Variants in ZSCAN5A observed in about 807,000 individuals in gnomAD.
ZSCAN5A encodes the protein zinc finger and SCAN domain-containing protein 5A.
Under a neutral mutation model 23.7 loss-of-function variants are expected in ZSCAN5A, and 12 were observed. That is an observed-to-expected ratio of 0.51 (90% CI 0.32 to 0.82). The LOEUF is 0.82. Among genes scored for constraint, ZSCAN5A ranks in the 40% least tolerant of loss-of-function variants. The pLI, the probability that ZSCAN5A is intolerant of heterozygous loss-of-function variation, is 0.03. For synonymous variants in ZSCAN5A, 257 were observed against 239.9 expected (o/e 1.07, Z -0.66); for missense variants, 597 against 617.9 (o/e 0.97, Z 0.36).
At chr19:56,322,027 G>A in intron 2 of ZSCAN5A, 1 of 776,692 alleles carries the variant, frequency 1.3e-6, no homozygotes, top group South Asian at 1.3e-5. Flanking sequence ...CTACAAGGCT[G>A]TTTTTAGTCC....
At chr19:56,359,629 A>G (rs2041721524) in intron 2 of ZSCAN5A, among the ~76,000 whole-genome samples, 1 of 152,226 alleles carries the variant, frequency 6.6e-6, no homozygotes, top group Non-Finnish European at 1.5e-5. Context: ...CAACAAAAAA[A>G]TAAAACTTCT....
intron 2 of ZSCAN5A, among the ~76,000 whole-genome samples, chr19:56,286,210 T>TG (rs1568697171): frequency 6.6e-6 from 1 of 151,098 alleles, no homozygotes; most frequent in Non-Finnish European, 1.5e-5. Context: ...TTAGTAGAGA[T>TG]GGGGTTTCAC....
intron 2 of ZSCAN5A, among the ~76,000 whole-genome samples, chr19:56,324,522 C>T (rs1042840261): frequency 3.3e-5 from 5 of 151,780 alleles, no homozygotes; most frequent in South Asian, 2.1e-4. Context: ...GGGGAACCCT[C>T]GTACAATGTT....
chr19:56,272,506 C>A (rs2037924362), intron 2 of ZSCAN5A, among the ~76,000 whole-genome samples: 1 of 152,110 alleles, frequency 6.6e-6, no homozygotes, highest in Non-Finnish European at 1.5e-5. Flanking sequence ...TCCCTCCAAC[C>A]ATTAAAAAAG....
chr19:56,324,131 C>T (rs1247415070), intron 2 of ZSCAN5A, among the ~76,000 whole-genome samples: 1 of 152,100 alleles, frequency 6.6e-6, no homozygotes, highest in Non-Finnish European at 1.5e-5. Context: ...CTCCTTTCCC[C>T]CTCTATTCAT....
chr19:56,284,467 G>A (rs2038950748), intron 2 of ZSCAN5A, among the ~76,000 whole-genome samples: 1 of 105,056 alleles, frequency 9.5e-6, no homozygotes, highest in South Asian at 3.4e-4. Context: ...GGGAAACAGA[G>A]ATAAGTAAAC....
At chr19:56,275,256 A>G (rs573602991) in intron 2 of ZSCAN5A, among the ~76,000 whole-genome samples, 1 of 152,310 alleles carries the variant, frequency 6.6e-6, no homozygotes, top group South Asian at 2.1e-4. Context: ...TAATTTTAGC[A>G]TCCATCTGTG....
intron 2 of ZSCAN5A, among the ~76,000 whole-genome samples, chr19:56,277,926 G>C (rs1315482892): frequency 6.6e-6 from 1 of 152,096 alleles, no homozygotes; most frequent in East Asian, 1.9e-4. Context: ...TGAAAAATAA[G>C]GATAATAAAT....
intron 2 of ZSCAN5A, among the ~76,000 whole-genome samples, chr19:56,330,968 G>C (rs778741048): frequency 6.7e-5 from 10 of 149,244 alleles, no homozygotes; most frequent in Admixed American, 2.0e-4. Flanking sequence ...AATTCTTCTT[G>C]AGTTAATTTT....
intron 2 of ZSCAN5A, chr19:56,283,276 G>A (rs1558357): frequency 0.78 from 118,892 of 152,062 alleles, 47,938 homozygotes; most frequent in Non-Finnish European, 0.89. Context: ...TTATTATTAC[G>A]TACTTCATAT....
chr19:56,245,858 T>C (rs1002643565), intron 2 of ZSCAN5A, among the ~76,000 whole-genome samples: 2 of 152,070 alleles, frequency 1.3e-5, no homozygotes, highest in Non-Finnish European at 2.9e-5. Flanking sequence ...GAGATGTGTT[T>C]GTGTGTCATT....
chr19:56,298,456 T>C (rs1198157620), intron 2 of ZSCAN5A, among the ~76,000 whole-genome samples: 2 of 151,948 alleles, frequency 1.3e-5, no homozygotes, highest in Non-Finnish European at 2.9e-5. Flanking sequence ...CCCAACATGA[T>C]GAAACCCCGT....
chr19:56,345,692 G>C (rs911468286), intron 2 of ZSCAN5A, among the ~76,000 whole-genome samples: 2 of 152,102 alleles, frequency 1.3e-5, no homozygotes, highest in South Asian at 4.1e-4. Flanking sequence ...CTGGCTCTCT[G>C]AGCTCTGGGC....
chr19:56,302,439 C>T (rs565568786), intron 2 of ZSCAN5A, among the ~76,000 whole-genome samples: 86 of 130,696 alleles, frequency 6.6e-4, no homozygotes, highest in Middle Eastern at 3.9e-3. Flanking sequence ...TCCCTTCCTT[C>T]CTTTCTTCCT....
chr19:56,304,609 T>G (rs2040564231), intron 2 of ZSCAN5A, among the ~76,000 whole-genome samples: 3 of 147,652 alleles, frequency 2.0e-5, no homozygotes, highest in African/African-American at 5.0e-5. Flanking sequence ...AAGGTGGGAG[T>G]GGTGAGAGGC....
intron 2 of ZSCAN5A, among the ~76,000 whole-genome samples, chr19:56,259,317 G>C (rs1207154664): frequency 6.6e-6 from 1 of 152,046 alleles, no homozygotes; most frequent in Non-Finnish European, 1.5e-5. Context: ...ACCAGCCTCG[G>C]ACTCCCAAAG....
intron 2 of ZSCAN5A, chr19:56,280,618 ATT>A (rs2147056189): frequency 6.6e-6 from 1 of 152,306 alleles, no homozygotes; most frequent in African/African-American, 2.4e-5. Context: ...ATGAATAGAA[ATT>A]TATTGGCTCA....
chr19:56,285,770 C>A (rs746493530), intron 2 of ZSCAN5A, among the ~76,000 whole-genome samples: 1 of 151,858 alleles, frequency 6.6e-6, no homozygotes, highest in Non-Finnish European at 1.5e-5. Flanking sequence ...TGAGCCATCA[C>A]GCCCAGCCCA....
At chr19:56,228,368 C>A in intron 2 of ZSCAN5A, 2 of 985,374 alleles carry the variant, frequency 2.0e-6, no homozygotes, top group Non-Finnish European at 2.4e-6. Flanking sequence ...TTTCCGGTTC[C>A]CTGCGCCGCC....
Sources: gnomAD v4.1 joint callset for allele counts (sites outside exome capture counted in the v4.1 genomes callset) on GRCh38, gnomAD v4.1.1 for gene constraint, MANE v1.5 for transcripts, NCBI Gene and HGNC (gene_info 2026-07-23, HGNC 2026-07-21) for gene names.